Variants in APOL4 observed in about 807,000 individuals in gnomAD.
APOL4 encodes apolipoprotein L, 4.
Under a neutral mutation model 12.1 loss-of-function variants are expected in APOL4, and 14 were observed. The ratio of observed to expected loss-of-function variants is 1.16; its 90% CI spans 0.76 to 1.81. APOL4 has a LOEUF of 1.81. Ranked by LOEUF, APOL4 falls within the 40% of genes most tolerant of loss-of-function variation. The probability of loss-of-function intolerance (pLI) is 0.00; values close to 1 mark genes in which losing one functional copy is unlikely to be tolerated. For synonymous variants in APOL4, 171 were observed against 160.6 expected (o/e 1.06, Z -0.49); for missense variants, 432 against 423.1 (o/e 1.02, Z -0.18).
intron 2 of APOL4, among the ~76,000 whole-genome samples, chr22:36,195,770 T>TCACACA (rs1294624840): frequency 1.1e-5 from 1 of 90,236 alleles, no homozygotes; most frequent in African/African-American, 4.4e-5. Context: ...TCTCTCTCTC[T>TCACACA]CTCTCTCACA....
rs774933689 is a variant in APOL4 at position 36,191,838 on chromosome 22, T to G, written c.284A>C (p.Gln95Pro). Residue 95 changes from glutamine (Q) to proline (P), a missense_variant, in exon 4 of 4, where the codon CAG becomes CCG. By Grantham distance (76) the Gln-to-Pro change is moderately conservative. Transcript: ENST00000683024. The stretch of plus-strand genomic sequence containing the variant: ...CTCCCTAAACTGCTGTTCTTTTTGC[T>G]GCATGTCTTTGTCCTCAATAGCCAC... ...PYVAIEDKDM[Q>P]QKEQQFREWF... 65 of 1,613,636 alleles carry G rather than the reference T, an allele frequency of 4.0e-5. No homozygotes were observed. The Admixed American group carries it at 9.2e-4, about 23-fold the overall frequency.
chr22:36,201,763 G>T lies in APOL4; in HGVS notation c.-29C>A. 1 of 1,600,832 alleles carries T rather than the reference G, an allele frequency of 6.2e-7. No homozygotes were observed. The highest frequency in any genetic ancestry group is 1.7e-5 in the Admixed American group (1 of 57,958). The stretch of plus-strand genomic sequence containing the variant: ...CCTTGGTCATTGTTGGCCTGGCTCA[G>T]ACGCTGATCTGGGGCCTCTGCTGAA... On this transcript the variant is annotated 5_prime_UTR_variant, in exon 1 of 4. In the 5' UTR this introduces an upstream ATG that the reference lacks. Coordinates refer to ENST00000683024, the MANE Select transcript of APOL4 (RefSeq NM_001386885.1).
At chr22:36,193,628 A>C (rs2014325062) in intron 3 of APOL4, among the ~76,000 whole-genome samples, 1 of 152,192 alleles carries the variant, frequency 6.6e-6, no homozygotes, top group Admixed American at 6.5e-5. Context: ...TCAAGTTTGC[A>C]ACTGGTGTCA....
rs2014220694 is a variant in APOL4, at chr22:36,190,789, A to G, written c.*286T>C. ...TTTGTGCAGTTAACGCAATTATCAC[A>G]TGGTCCTGAGGTGACATACATCCTC... On this transcript the variant is annotated 3_prime_UTR_variant, in exon 4 of 4. Transcript: ENST00000683024. 5.8e-6 allele frequency: 2 copies of G among 345,812 alleles called. No homozygotes were observed. The highest frequency in any genetic ancestry group is 4.2e-5 in the South Asian group (1 of 23,904). The allele number at this position is 345,812 out of a possible 1,614,324, so 21.4% of individuals were successfully genotyped here.
At chr22:36,202,245 T>A (rs2014604787), upstream of APOL4, among the ~76,000 whole-genome samples, 1 of 152,176 alleles carries the variant, frequency 6.6e-6, no homozygotes, top group Non-Finnish European at 1.5e-5. Context: ...TAGCTGGGAC[T>A]ACAGGTGCAC....
chr22:36,192,346 A>AAAT (rs1807147114), intron 3 of APOL4, among the ~76,000 whole-genome samples: 1 of 151,826 alleles, frequency 6.6e-6, no homozygotes, highest in Non-Finnish European at 1.5e-5. Flanking sequence ...TCTCAAAAAA[A>AAAT]AATAATAATA....
chr22:36,195,277 G>A (rs1304977442), intron 3 of APOL4, 34 bp downstream of exon 3: 1 of 1,602,542 alleles, frequency 6.2e-7, no homozygotes, highest in Admixed American at 1.7e-5. Flanking sequence ...GGCATCACCG[G>A]GGTGCCCCAA....
At chr22:36,204,666 G>T, upstream of APOL4, 1 of 768,956 alleles carries the variant, frequency 1.3e-6, no homozygotes, top group Non-Finnish European at 1.9e-6. Context: ...GCAAGATCCA[G>T]CTGGTCTGAG....
chr22:36,199,299 C>A (rs762467896), intron 2 of APOL4, 31 bp downstream of exon 2: 1 of 1,614,070 alleles, frequency 6.2e-7, no homozygotes, highest in Non-Finnish European at 8.5e-7. Flanking sequence ...GGAGGCGAGC[C>A]TACCAGCAGC....
At chr22:36,197,481 A>T (rs2014444781) in intron 2 of APOL4, 1 of 1,043,156 alleles carries the variant, frequency 9.6e-7, no homozygotes, top group South Asian at 2.8e-5. Context: ...TGTTTTATTG[A>T]TGGGGTGGGG....
chr22:36,190,310 G>A lies in APOL4; in HGVS notation c.*765C>T, dbSNP rs575512630. ...GGCGAGATCACAGGAACACAGGACC[G>A]GGGAGAAATTAAAATTGCTAATGAG... On this transcript the variant is annotated 3_prime_UTR_variant, in exon 4 of 4. Transcript: ENST00000683024. 2.6e-5 allele frequency: 4 copies of A among 152,336 alleles called. No individual in the cohort carries two copies. The highest frequency in any genetic ancestry group is 2.1e-4 in the South Asian group (1 of 4,824). The allele number at this position is 152,336 out of a possible 1,614,324, so 9.4% of individuals were successfully genotyped here.
At chr22:36,197,489 G>A in intron 2 of APOL4, 1 of 1,152,822 alleles carries the variant, frequency 8.7e-7, no homozygotes, top group Non-Finnish European at 1.2e-6. Context: ...TGATGGGGTG[G>A]GGATGGTGAA....
Position 36,190,687 on chromosome 22 carries a change from C to T in APOL4, c.*388G>A, listed in dbSNP as rs1052235543. 5.2e-6 allele frequency: 1 copy of T among 194,050 alleles called. No individual in the cohort carries two copies. The highest frequency in any genetic ancestry group is 1.1e-5 in the Non-Finnish European group (1 of 92,656). 12.0% of individuals were successfully genotyped at this position (194,050 alleles called of 1,614,324 possible). Reference sequence around the variant, plus strand: ...GAGTTTAAGGTTATCTCTCTTATTCCCTGAACAATTGCTGTTATCCTGTTC... The same window carrying T: ...GAGTTTAAGGTTATCTCTCTTATTCTCTGAACAATTGCTGTTATCCTGTTC... On this transcript the variant is annotated 3_prime_UTR_variant, in exon 4 of 4. Coordinates refer to ENST00000683024, the MANE Select transcript of APOL4 (RefSeq NM_001386885.1).
At chr22:36,203,749 C>G (rs1037187135), upstream of APOL4, among the ~76,000 whole-genome samples, 11 of 152,222 alleles carry the variant, frequency 7.2e-5, no homozygotes, top group Non-Finnish European at 2.9e-5. Context: ...CAGGCGCCCC[C>G]CTGCATCCAT....
intron 2 of APOL4, chr22:36,197,637 C>T (rs1280052481): frequency 1.3e-6 from 2 of 1,545,430 alleles, no homozygotes; most frequent in East Asian, 4.9e-5. Flanking sequence ...CAGATGGGCG[C>T]TTCTGTCAGA....
chr22:36,191,374 A>T lies in APOL4; in HGVS notation c.748T>A (p.Ser250Thr). 6.2e-7 allele frequency: 1 copy of T among 1,614,064 alleles called. No homozygotes were observed. The highest frequency in any genetic ancestry group is 8.5e-7 in the Non-Finnish European group (1 of 1,179,900). The change falls in exon 4 of 4, where the codon TCT becomes ACT. Residue 250 changes from serine (S) to threonine (T), a missense_variant. Physicochemically the swap from Ser to Thr is moderately conservative, Grantham distance 58. Coordinates refer to ENST00000683024, the MANE Select transcript of APOL4 (RefSeq NM_001386885.1). ...AAAGGGCGTCCAACAGTGGCTTTAG[A>T]TCTCCTGAGTGTATGGACATCATTC... ...IANDVHTLRR[S>T]KATVGRPLIA...
chr22:36,197,924 C>T (rs2014461366), intron 2 of APOL4: 42 of 1,422,592 alleles, frequency 3.0e-5, no homozygotes, highest in Non-Finnish European at 3.9e-5. Flanking sequence ...CTCAATCATA[C>T]CCTCCTTGTC....
chr22:36,191,339 C>T lies in APOL4; in HGVS notation c.783G>A (p.Trp261Ter). The change falls in exon 4 of 4, where the codon TGG becomes TGA. Residue 261 changes from tryptophan (W) to a stop codon, truncating the protein, a stop_gained. Coordinates refer to ENST00000683024, the MANE Select transcript of APOL4 (RefSeq NM_001386885.1). LOFTEE classifies it low-confidence loss of function (END_TRUNC). The stretch of plus-strand genomic sequence containing the variant: ...CAACAACATTTATAGGTACATATCG[C>T]CAAGCAATCAAAGGGCGTCCAACAG... ...KATVGRPLIA[W>*]RYVPINVVET... is the part of the protein sequence containing the mutation. 1 of 1,614,044 alleles carries T rather than the reference C, an allele frequency of 6.2e-7. No homozygotes were observed. The highest frequency in any genetic ancestry group is 8.5e-7 in the Non-Finnish European group (1 of 1,179,906).
chr22:36,195,772 TCTCTCACACACACA>T lies in APOL4; in HGVS notation c.83-349_83-336del, dbSNP rs1302126257. Among the ~76,000 whole-genome samples, 256 of 140,212 alleles carry T rather than the reference TCTCTCACACACACA, an allele frequency of 1.8e-3. 5 individuals carry two copies. In the East Asian group the frequency reaches 0.032, roughly 17 times the overall value. 92.0% of individuals were successfully genotyped at this position (140,212 alleles called of 152,430 possible). On this transcript the variant is annotated intron_variant, in intron 2 of 3. Coordinates refer to ENST00000683024, the MANE Select transcript of APOL4 (RefSeq NM_001386885.1). ...CTCTCTCTCTCTCTCTCTCTCTCTC[TCTCTCACACACACA>T]CACACACACACACACACACACACAC...
Sources: gnomAD v4.1 joint callset for allele counts (sites outside exome capture counted in the v4.1 genomes callset) on GRCh38, gnomAD v4.1.1 for gene constraint, MANE v1.5 for transcripts, NCBI Gene and HGNC (gene_info 2026-07-23, HGNC 2026-07-21) for gene names.